PTGR1: variants seen among roughly 807,000 people sequenced by gnomAD.
PTGR1 encodes the protein 15-oxoprostaglandin 13-reductase.
PTGR1 carries 23 observed loss-of-function variants against 37.7 expected under a neutral mutation model. That is an observed-to-expected ratio of 0.61 (90% CI 0.44 to 0.86). The LOEUF (loss-of-function observed/expected upper bound fraction) is 0.86, where lower values mean the gene tolerates loss of function less well. PTGR1 is among the 40% of genes least tolerant of loss of function. The probability of loss-of-function intolerance (pLI) is 0.00; values close to 1 mark genes in which losing one functional copy is unlikely to be tolerated. For synonymous variants in PTGR1, 134 were observed against 140.0 expected, an observed-to-expected ratio of 0.96 and a Z score of 0.30; for missense variants, 351 against 394.3, an observed-to-expected ratio of 0.89 and a Z score of 0.93.
At position 111,594,256 on chromosome 9, in the gene PTGR1, C is replaced by T. The variant is rs1256997587; in HGVS notation, c.118G>A (p.Glu40Lys). Reference protein sequence around the residue: ...PPLKNGEVLLEALFLTVDPYM... With the variant: ...PPLKNGEVLLKALFLTVDPYM... Reference sequence around the variant, plus strand: ...GGATCCACGGTGAGGAACAAAGCTTCAAGCAGGACCTCTACAAAATAAAGC... The same window carrying T: ...GGATCCACGGTGAGGAACAAAGCTTTAAGCAGGACCTCTACAAAATAAAGC... Residue 40 changes from glutamate (E) to lysine (K), a missense_variant, in exon 3 of 10, where the codon GAA (glutamate) becomes AAA (lysine). By Grantham distance (56) the Glu-to-Lys change is moderately conservative. Transcript: ENST00000407693. 1.9e-6 allele frequency: 3 copies of T among 1,613,478 alleles called. No individual in the cohort carries two copies. Among genetic ancestry groups the T allele is most frequent in the Non-Finnish European group, 2.5e-6 (3 of 1,179,596 alleles).
intron 2 of PTGR1, among the ~76,000 whole-genome samples, chr9:111,594,573 G>A (rs906247532): frequency 1.5e-5 from 2 of 132,096 alleles, no homozygotes; most frequent in Non-Finnish European, 1.6e-5. Flanking sequence ...TTTTTTGAGA[G>A]GGAGTCTCGC....
chr9:111,560,592 G>A (rs1564607485), downstream of PTGR1, among the ~76,000 whole-genome samples: 1 of 122,614 alleles, frequency 8.2e-6, no homozygotes, highest in African/African-American at 3.2e-5. Flanking sequence ...AGTGAGCAGA[G>A]ATCATGCTAC....
intron 9 of PTGR1, 134 bp downstream of exon 9, chr9:111,569,956 TA>T: frequency 1.4e-6 from 2 of 1,390,360 alleles, no homozygotes; most frequent in Non-Finnish European, 2.0e-6. Flanking sequence ...ATTTATACTC[TA>T]AGCACAATGA....
At chr9:111,586,411 A>G (rs1190537564) in intron 4 of PTGR1, among the ~76,000 whole-genome samples, 1 of 152,156 alleles carries the variant, frequency 6.6e-6, no homozygotes, top group Non-Finnish European at 1.5e-5. Context: ...GTTCTCACCC[A>G]CATCTCTTCC....
intron 7 of PTGR1, chr9:111,575,285 G>A (rs1829010694): frequency 6.6e-6 from 1 of 152,440 alleles, no homozygotes; most frequent in Admixed American, 6.5e-5. Flanking sequence ...CTGGGCAAGA[G>A]AGCAAGACTC....
intron 2 of PTGR1, among the ~76,000 whole-genome samples, chr9:111,594,803 G>A (rs1230764092): frequency 6.7e-6 from 1 of 150,210 alleles, no homozygotes; most frequent in Non-Finnish European, 1.5e-5. Flanking sequence ...CATCGTCTCG[G>A]CATCCTAAAG....
chr9:111,558,245 A>C (rs1828181523), downstream of PTGR1, among the ~76,000 whole-genome samples: 2 of 152,370 alleles, frequency 1.3e-5, no homozygotes, highest in South Asian at 4.1e-4. Flanking sequence ...TTTTAATTCA[A>C]TAGTATATAA....
chr9:111,586,182 A>G lies in PTGR1; in HGVS notation c.210-17T>C. On this transcript the variant is annotated splice_polypyrimidine_tract_variant and intron_variant, in intron 4 of 9. Transcript: ENST00000407693. The stretch of plus-strand genomic sequence containing the variant: ...TCCACAACTCTGAAAGATAAAGCAC[A>G]TTAAGGCATTAAGGCATGTGACATG... 1 of 1,607,942 alleles carries G rather than the reference A, an allele frequency of 6.2e-7. No individual in the cohort carries two copies. The highest frequency in any genetic ancestry group is 8.5e-7 in the Non-Finnish European group (1 of 1,175,182).
intron 9 of PTGR1, among the ~76,000 whole-genome samples, chr9:111,550,679 C>A (rs1235753780): frequency 6.6e-6 from 1 of 152,162 alleles, no homozygotes; most frequent in African/African-American, 2.4e-5. Flanking sequence ...TTTGATTTTT[C>A]CTGCTTTCTT....
chr9:111,561,102 T>TAGAGAGAG (rs1448011286), downstream of PTGR1, among the ~76,000 whole-genome samples: 7 of 29,340 alleles, frequency 2.4e-4, no homozygotes, highest in Non-Finnish European at 3.7e-4. Flanking sequence ...TATATATATA[T>TAGAGAGAG]ATATATATAG....
intron 4 of PTGR1, among the ~76,000 whole-genome samples, chr9:111,591,862 G>C (rs1829633213): frequency 6.6e-6 from 1 of 152,192 alleles, no homozygotes; most frequent in East Asian, 1.9e-4. Flanking sequence ...AAAGTTGCAT[G>C]CAGGATTGTG....
At chr9:111,569,585 G>A (rs747532398) in intron 9 of PTGR1, among the ~76,000 whole-genome samples, 1 of 152,130 alleles carries the variant, frequency 6.6e-6, no homozygotes, top group Non-Finnish European at 1.5e-5. Flanking sequence ...CCAACATGAC[G>A]AAAACCTGTC....
intron 4 of PTGR1, among the ~76,000 whole-genome samples, chr9:111,591,089 C>T (rs567412909): frequency 3.9e-5 from 6 of 151,936 alleles, no homozygotes; most frequent in African/African-American, 1.2e-4. Context: ...GTCGGGAGTT[C>T]GAGACTAGCC....
chr9:111,585,765 T>C (rs564955980), intron 5 of PTGR1, among the ~76,000 whole-genome samples: 4 of 152,350 alleles, frequency 2.6e-5, no homozygotes, highest in Non-Finnish European at 4.4e-5. Context: ...ATTTTCTTCT[T>C]TTTTAAGGCT....
chr9:111,561,162 AGAG>A (rs1564608177), downstream of PTGR1, among the ~76,000 whole-genome samples: 25 of 140,954 alleles, frequency 1.8e-4, no homozygotes, highest in Middle Eastern at 3.5e-3. Flanking sequence ...AGAGAGAGAG[AGAG>A]AGAGAGAGAG....
chr9:111,573,104 A>T (rs923206845), intron 8 of PTGR1, among the ~76,000 whole-genome samples: 2 of 152,212 alleles, frequency 1.3e-5, no homozygotes, highest in African/African-American at 4.8e-5. Context: ...GTCCTGTCTG[A>T]GCAGCTGAGC....
intron 9 of PTGR1, chr9:111,564,274 AC>A: frequency 1.4e-6 from 1 of 729,590 alleles, no homozygotes; most frequent in Non-Finnish European, 1.8e-6. Flanking sequence ...TGAAATTTAA[AC>A]TTTTATTATT....
At chr9:111,596,298 C>T (rs990046448) in intron 2 of PTGR1, among the ~76,000 whole-genome samples, 1 of 152,118 alleles carries the variant, frequency 6.6e-6, no homozygotes, top group African/African-American at 2.4e-5. Flanking sequence ...TATTAGCAAA[C>T]GTGGCACAAG....
chr9:111,571,421 A>T lies in PTGR1; in HGVS notation c.761-1212T>A, dbSNP rs910870524. ...GAGACTCGGTTTCAAAAAGAAAAAA[A>T]GAAGTAAACAAACAAAAGAATAAAC... On this transcript the variant is annotated intron_variant, in intron 8 of 9. Coordinates refer to ENST00000407693, the MANE Select transcript of PTGR1 (RefSeq NM_001146108.2). Among the ~76,000 whole-genome samples, 4 of 149,724 alleles carry T rather than the reference A, an allele frequency of 2.7e-5. No homozygotes were observed. In the East Asian group the frequency reaches 6.4e-4, roughly 24 times the overall value.
Sources: allele counts gnomAD v4.1 joint callset (sites outside exome capture counted in the v4.1 genomes callset), GRCh38; gene constraint gnomAD v4.1.1; transcripts MANE v1.5; gene names NCBI Gene and HGNC (gene_info 2026-07-23, HGNC 2026-07-21).